Variants in MAP2K3 observed in about 807,000 individuals in gnomAD.
MAP2K3 encodes the protein dual specificity mitogen-activated protein kinase kinase 3.
In MAP2K3, 30 loss-of-function variants were observed where a neutral mutation model predicts 46.4. The observed-to-expected ratio is 0.65, with a 90% CI of 0.48 to 0.88. MAP2K3 has a LOEUF of 0.88. Among genes scored for constraint, MAP2K3 ranks in the 40% least tolerant of loss-of-function variants. The probability of loss-of-function intolerance (pLI) is 0.00; values close to 1 mark genes in which losing one functional copy is unlikely to be tolerated. For missense variants in MAP2K3, 380 were observed against 464.5 expected (o/e 0.82, Z 1.67); for synonymous variants, 189 against 176.3 (o/e 1.07, Z -0.57).
At chr17:21,290,084 T>C (rs1014484486) in intron 1 of MAP2K3, among the ~76,000 whole-genome samples, 6 of 152,222 alleles carry the variant, frequency 3.9e-5, no homozygotes, top group African/African-American at 1.4e-4. Context: ...CCAAGGCCCG[T>C]CCCAAGGTTT....
chr17:21,294,424 G>C (rs1305848759), intron 1 of MAP2K3, among the ~76,000 whole-genome samples: 1 of 152,310 alleles, frequency 6.6e-6, no homozygotes, highest in East Asian at 1.9e-4. Context: ...GGGCTGCAAG[G>C]AGGGGTTGTC....
chr17:21,291,995 T>A (rs1231120693), intron 1 of MAP2K3, among the ~76,000 whole-genome samples: 1 of 152,308 alleles, frequency 6.6e-6, no homozygotes, highest in Non-Finnish European at 1.5e-5. Context: ...GGGCCGACGC[T>A]GTGGTGGTTT....
At chr17:21,291,247 A>G (rs1444379053) in intron 1 of MAP2K3, among the ~76,000 whole-genome samples, 1 of 128,968 alleles carries the variant, frequency 7.8e-6, no homozygotes, top group South Asian at 2.6e-4. Flanking sequence ...CGTCTCAAAA[A>G]TAAATACAAT....
At chr17:21,290,821 C>A (rs1254377491) in intron 1 of MAP2K3, among the ~76,000 whole-genome samples, 4 of 152,306 alleles carry the variant, frequency 2.6e-5, no homozygotes, top group Non-Finnish European at 1.5e-5. Context: ...CATGGTGGCA[C>A]ACGTCTGTAG....
Position 21,300,974 on chromosome 17 carries a change from A to G in MAP2K3, c.380A>G (p.Tyr127Cys). Reference protein sequence around the residue: ...TVDCFYTVTFYGALFREGDVW... With the variant: ...TVDCFYTVTFCGALFREGDVW... Reference sequence around the variant, plus strand: ...GACTGTTTCTACACTGTCACCTTCTACGGGGCACTATTCAGAGAGGTGCGT... The same window carrying G: ...GACTGTTTCTACACTGTCACCTTCTGCGGGGCACTATTCAGAGAGGTGCGT... The change falls in exon 5 of 12, where the codon TAC becomes TGC. Residue 127 changes from tyrosine (Y) to cysteine (C), a missense_variant. Physicochemically the swap from Tyr to Cys is radical, Grantham distance 194 (BLOSUM62 -2). Transcript: ENST00000342679. 4 of 1,614,262 alleles carry G rather than the reference A, an allele frequency of 2.5e-6. No homozygotes were observed. The highest frequency in any genetic ancestry group is 2.2e-5 in the South Asian group (2 of 91,088).
intron 1 of MAP2K3, among the ~76,000 whole-genome samples, chr17:21,294,187 G>A (rs1976107325): frequency 9.4e-6 from 1 of 105,888 alleles, no homozygotes; most frequent in African/African-American, 3.6e-5. Flanking sequence ...GAATAGAGGT[G>A]GCCTGGGGCA....
chr17:21,289,911 G>A (rs527833163), intron 1 of MAP2K3, among the ~76,000 whole-genome samples: 5 of 152,192 alleles, frequency 3.3e-5, no homozygotes, highest in African/African-American at 7.2e-5. Flanking sequence ...ATGTCCAGCT[G>A]TCCCTCTCCC....
chr17:21,291,309 A>G (rs1396921029), intron 1 of MAP2K3: 1 of 69,664 alleles, frequency 1.4e-5, no homozygotes, highest in East Asian at 3.3e-4. Flanking sequence ...AATAGAATAC[A>G]ATACAATAGA....
chr17:21,300,884 C>T lies in MAP2K3; in HGVS notation c.290C>T (p.Ala97Val). Residue 97 changes from alanine to valine, a missense_variant, in exon 5 of 12, where the codon GCC (alanine) becomes GTC (valine). Physicochemically the swap from Ala to Val is moderately conservative, Grantham distance 64. This residue lies in a region of MAP2K3 where 294 missense variants were observed against 275.4 expected (regional missense o/e 1.07). Transcript: ENST00000342679. The stretch of plus-strand genomic sequence containing the variant: ...AGTCCTTCCCTGCAGCGGATCCGGG[C>T]CACCGTGAACTCACAGGAGCAGAAG... ...GTIMAVKRIRATVNSQEQKRL... is the reference protein window; with the variant it reads ...GTIMAVKRIRVTVNSQEQKRL... 2 of 1,614,180 alleles carry T rather than the reference C, an allele frequency of 1.2e-6. No individual in the cohort carries two copies. Among genetic ancestry groups the T allele is most frequent in the African/African-American group, 1.3e-5 (1 of 75,090 alleles).
intron 6 of MAP2K3, 38 bp from the exon 7 acceptor site, chr17:21,303,145 G>C (rs772973874): frequency 6.2e-7 from 1 of 1,613,692 alleles, no homozygotes; most frequent in Non-Finnish European, 8.5e-7. Flanking sequence ...AGGAATAACA[G>C]AGTCCTGTCT....
Position 21,298,486 on chromosome 17 carries a change from C to A in MAP2K3, c.116+7C>A, listed in dbSNP as rs748901884. ...CACCCGCACCCAACCCCACGTGAGTCTGCCTCAGTTTCTCCCTGGCTCACC... is the reference window on the plus strand; with the variant it reads ...CACCCGCACCCAACCCCACGTGAGTATGCCTCAGTTTCTCCCTGGCTCACC... On this transcript the variant is annotated splice_region_variant and intron_variant, in intron 2 of 11. Coordinates refer to ENST00000342679, the MANE Select transcript of MAP2K3 (RefSeq NM_145109.3). 6.2e-7 allele frequency: 1 copy of A among 1,614,316 alleles called. No individual in the cohort carries two copies. The highest frequency in any genetic ancestry group is 1.1e-5 in the South Asian group (1 of 91,092).
chr17:21,301,510 A>T (rs1340611581), intron 5 of MAP2K3, among the ~76,000 whole-genome samples: 2 of 152,312 alleles, frequency 1.3e-5, no homozygotes, highest in African/African-American at 4.8e-5. Flanking sequence ...CTGGGCTCAT[A>T]CTGGTCACTT....
At chr17:21,298,763 T>C (rs1366971224) in intron 2 of MAP2K3, 115 bp from the exon 3 acceptor site, 6 of 1,508,914 alleles carry the variant, frequency 4.0e-6, no homozygotes, top group African/African-American at 1.4e-5. Context: ...AGAAGGCGCC[T>C]CCGGGGCAGG....
intron 9 of MAP2K3, among the ~76,000 whole-genome samples, chr17:21,307,285 C>T (rs1189081766): frequency 6.6e-6 from 1 of 152,304 alleles, no homozygotes; most frequent in African/African-American, 2.4e-5. Flanking sequence ...ACTCCTGTCA[C>T]TCAGGAAATT....
intron 1 of MAP2K3, among the ~76,000 whole-genome samples, chr17:21,295,319 T>C (rs1009423595): frequency 3.9e-5 from 6 of 152,302 alleles, no homozygotes; most frequent in Non-Finnish European, 7.3e-5. Flanking sequence ...CTCAGGTCAG[T>C]GGCTGAATTC....
In MAP2K3 at chr17:21,300,894, C is replaced by T. The variant is rs750597020; in HGVS notation, c.300C>T (p.Asn100=). 1.9e-6 allele frequency: 3 copies of T among 1,614,098 alleles called. No individual in the cohort carries two copies. The highest frequency in any genetic ancestry group is 2.5e-6 in the Non-Finnish European group (3 of 1,180,050). ...TGCAGCGGATCCGGGCCACCGTGAA[C>T]TCACAGGAGCAGAAGCGGCTGCTCA... is the stretch of plus-strand genomic sequence containing the variant. The part of the protein sequence containing the change: ...MAVKRIRATV[N]SQEQKRLLMD... Residue 100 remains asparagine, a synonymous_variant, in exon 5 of 12, where the codon AAC becomes AAT. Coordinates refer to ENST00000342679, the MANE Select transcript of MAP2K3 (RefSeq NM_145109.3).
intron 1 of MAP2K3, chr17:21,295,677 C>T (rs779026855): frequency 1.6e-5 from 20 of 1,289,376 alleles, no homozygotes; most frequent in South Asian, 8.6e-5. Flanking sequence ...CCCAACAGGC[C>T]GGTGGATGCA....
chr17:21,307,253 G>A (rs1976935213), intron 9 of MAP2K3, among the ~76,000 whole-genome samples: 1 of 152,306 alleles, frequency 6.6e-6, no homozygotes. Context: ...ATAAACTCAG[G>A]CTCCTTGTGG....
At chr17:21,296,178 T>C in intron 1 of MAP2K3, 1 of 1,289,606 alleles carries the variant, frequency 7.8e-7, no homozygotes, top group South Asian at 1.2e-5. Flanking sequence ...GCAGACGTGA[T>C]CTTGCTTCGT....
Sources: allele counts gnomAD v4.1 joint callset (sites outside exome capture counted in the v4.1 genomes callset), GRCh38; gene constraint gnomAD v4.1.1; regional missense constraint gnomAD v4.1.1; transcripts MANE v1.5; gene names NCBI Gene and HGNC (gene_info 2026-07-23, HGNC 2026-07-21).